SYT14: variants seen among roughly 807,000 people sequenced by gnomAD.
The protein encoded by SYT14 is synaptotagmin-14.
In SYT14, 32 loss-of-function variants were observed where a neutral mutation model predicts 74.2. That is an observed-to-expected ratio of 0.43 (90% CI 0.33 to 0.58). SYT14 has a LOEUF of 0.58. Among genes scored for constraint, SYT14 ranks in the 20% least tolerant of loss-of-function variants. The pLI, the probability that SYT14 is intolerant of heterozygous loss-of-function variation, is 0.05. For missense variants in SYT14, 791 were observed against 981.8 expected (o/e 0.81, Z 2.60); for synonymous variants, 298 against 337.7 (o/e 0.88, Z 1.29).
chr1:210,022,605 AGTTCAT>A (rs1051795087), intron 5 of SYT14, among the ~76,000 whole-genome samples: 4 of 152,224 alleles, frequency 2.6e-5, no homozygotes, highest in Non-Finnish European at 5.9e-5. Context: ...TTGGCAATAT[AGTTCAT>A]TGTTTTTAGA....
At chr1:209,995,534 T>C (rs2079773527) in intron 2 of SYT14, among the ~76,000 whole-genome samples, 1 of 152,068 alleles carries the variant, frequency 6.6e-6, no homozygotes, top group Non-Finnish European at 1.5e-5. Context: ...CACGTAATAA[T>C]AGGGTGAGAC....
At chr1:210,064,979 C>G (rs552650599) in intron 5 of SYT14, among the ~76,000 whole-genome samples, 2 of 152,088 alleles carry the variant, frequency 1.3e-5, no homozygotes, top group Admixed American at 1.3e-4. Context: ...TGGGTATAAA[C>G]TAGTATCTCA....
chr1:210,059,449 T>TAGAGAGAGAGAGAGAGAGAG (rs796666013), intron 5 of SYT14, among the ~76,000 whole-genome samples: 5 of 89,714 alleles, frequency 5.6e-5, no homozygotes, highest in Admixed American at 1.1e-4. Context: ...TATATATATA[T>TAGAGAGAGAGAGAGAGAGAG]ATAGAGAGAG....
At chr1:210,167,983 G>T (rs191442688) in exon 10 of SYT14, 1 of 152,388 alleles carries the variant, frequency 6.6e-6, no homozygotes, top group East Asian at 1.9e-4. Context: ...CCATAGGGAG[G>T]ACCAAATAGG....
Position 210,109,507 on chromosome 1 carries a change from G to A in SYT14, c.2034+9046G>A, listed in dbSNP as rs189215754. On this transcript the variant is annotated intron_variant, in intron 7 of 9. Transcript: ENST00000637265. ...GCAGGGGAATCACTTGAACCTAGGA[G>A]GTGGAGGTTGCAGTGAGCCAAGATT... Among the ~76,000 whole-genome samples, 333 of 151,884 alleles carry A rather than the reference G, an allele frequency of 2.2e-3. 2 individuals are homozygous for A. Among genetic ancestry groups the A allele is most frequent in the African/African-American group, 7.7e-3 (320 of 41,424 alleles).
intron 5 of SYT14, among the ~76,000 whole-genome samples, chr1:210,084,122 T>C (rs2081671251): frequency 6.6e-6 from 1 of 152,238 alleles, no homozygotes; most frequent in Admixed American, 6.5e-5. Context: ...CTTGGTTTGC[T>C]GGGTCTCAAA....
chr1:210,073,699 GT>G (rs996037709), intron 5 of SYT14, among the ~76,000 whole-genome samples: 20 of 149,140 alleles, frequency 1.3e-4, no homozygotes, highest in African/African-American at 3.9e-4. Context: ...TTTTGTTTTT[GT>G]TTTTTTTTGT....
At chr1:210,072,648 A>G (rs556804774) in intron 5 of SYT14, among the ~76,000 whole-genome samples, 1 of 152,206 alleles carries the variant, frequency 6.6e-6, no homozygotes, top group East Asian at 1.9e-4. Context: ...GTATTTGCTT[A>G]TCATTTTTAA....
At chr1:210,014,449 A>G (rs1299413053) in intron 3 of SYT14, among the ~76,000 whole-genome samples, 1 of 150,484 alleles carries the variant, frequency 6.6e-6, no homozygotes, top group Non-Finnish European at 1.5e-5. Context: ...CAAGAGTTTT[A>G]AAAATTTTCT....
chr1:210,113,378 T>TA (rs2102587513), intron 7 of SYT14, among the ~76,000 whole-genome samples: 1 of 151,262 alleles, frequency 6.6e-6, no homozygotes, highest in South Asian at 2.1e-4. Context: ...ATGAGGTGGA[T>TA]AGGCAAAACA....
chr1:209,986,401 C>G (rs11119382), intron 2 of SYT14, among the ~76,000 whole-genome samples: 1 of 151,732 alleles, frequency 6.6e-6, no homozygotes, highest in African/African-American at 2.4e-5. Flanking sequence ...GTCAGGAGAT[C>G]GAGACCATCC....
At chr1:209,956,999 C>CT (rs1434500634) in intron 2 of SYT14, among the ~76,000 whole-genome samples, 3 of 151,828 alleles carry the variant, frequency 2.0e-5, no homozygotes, top group Non-Finnish European at 2.9e-5. Flanking sequence ...TCCCTTCTGC[C>CT]TTTTTTTCTT....
intron 7 of SYT14, among the ~76,000 whole-genome samples, chr1:210,149,869 TG>T (rs1368517947): frequency 6.6e-6 from 1 of 152,148 alleles, no homozygotes; most frequent in Non-Finnish European, 1.5e-5. Flanking sequence ...CCCAGTAATG[TG>T]GATAACAGTC....
At chr1:209,991,057 C>A (rs1046654416) in intron 2 of SYT14, among the ~76,000 whole-genome samples, 1 of 152,014 alleles carries the variant, frequency 6.6e-6, no homozygotes, top group Non-Finnish European at 1.5e-5. Context: ...CAGTAAGTGG[C>A]GCTAGGAAAA....
chr1:210,144,200 A>G (rs193043385), intron 7 of SYT14, among the ~76,000 whole-genome samples: 12 of 152,304 alleles, frequency 7.9e-5, no homozygotes, highest in Admixed American at 7.8e-4. Flanking sequence ...TCATATAGAT[A>G]AGGAGTTACA....
chr1:210,032,916 AATT>A (rs1479865870), intron 5 of SYT14, among the ~76,000 whole-genome samples: 1 of 151,604 alleles, frequency 6.6e-6, no homozygotes, highest in Non-Finnish European at 1.5e-5. Flanking sequence ...GTACTCCCCA[AATT>A]ATTGCATTTT....
chr1:210,016,524 G>A (rs2080187246), exon 4 of SYT14: 5 of 1,231,910 alleles, frequency 4.1e-6, no homozygotes, highest in Non-Finnish European at 5.1e-6. Flanking sequence ...ACTGACAGAT[G>A]TAAAACAATT....
At chr1:210,094,271 T>C (rs746518797) in intron 5 of SYT14, 51 bp from the exon 5 acceptor site, 3 of 1,612,212 alleles carry the variant, frequency 1.9e-6, no homozygotes, top group Non-Finnish European at 2.5e-6. Flanking sequence ...TAGACTATAC[T>C]GTGTGTTGAG....
chr1:210,135,659 CA>C (rs2082771052), intron 7 of SYT14, among the ~76,000 whole-genome samples: 1 of 151,916 alleles, frequency 6.6e-6, no homozygotes, highest in Non-Finnish European at 1.5e-5. Context: ...TAATGGATCC[CA>C]GATATTGTGG....
Sources: allele counts gnomAD v4.1 joint callset (sites outside exome capture counted in the v4.1 genomes callset), GRCh38; gene constraint gnomAD v4.1.1; transcripts MANE v1.5; gene names NCBI Gene and HGNC (gene_info 2026-07-23, HGNC 2026-07-21).